DPYSL3: variants seen among roughly 807,000 people sequenced by gnomAD.
DPYSL3 encodes dihydropyrimidinase like 3.
DPYSL3 carries 16 observed loss-of-function variants against 66.1 expected under a neutral mutation model. The observed-to-expected ratio is 0.24, with a 90% confidence interval of 0.16 to 0.37. DPYSL3 has a LOEUF of 0.37. DPYSL3 is among the 10% of genes least tolerant of loss of function. The pLI is 1.00. For synonymous variants in DPYSL3, 338 were observed against 345.1 expected (o/e 0.98, Z 0.23); for missense variants, 738 against 916.2 (o/e 0.81, Z 2.51).
chr5:147,405,004 C>T (rs1758292352), intron 8 of DPYSL3, among the ~76,000 whole-genome samples: 1 of 152,108 alleles, frequency 6.6e-6, no homozygotes, highest in Non-Finnish European at 1.5e-5. Context: ...TTTTGCTTGA[C>T]CTGCTGGAAA....
chr5:147,475,116 T>G (rs908649290), intron 1 of DPYSL3, among the ~76,000 whole-genome samples: 1 of 151,954 alleles, frequency 6.6e-6, no homozygotes, highest in Admixed American at 6.5e-5. Flanking sequence ...TCCAGAGAAA[T>G]GAAAACTTAC....
chr5:147,499,051 T>C (rs1036465884), intron 1 of DPYSL3, among the ~76,000 whole-genome samples: 4 of 152,204 alleles, frequency 2.6e-5, no homozygotes, highest in African/African-American at 9.6e-5. Flanking sequence ...TTTTAGAGTT[T>C]GGGGTTTTAC....
intron 1 of DPYSL3, among the ~76,000 whole-genome samples, chr5:147,463,350 C>T (rs947439477): frequency 1.3e-5 from 2 of 152,066 alleles, no homozygotes; most frequent in African/African-American, 4.8e-5. Context: ...AGACAGTGCA[C>T]CTAGCCATCT....
chr5:147,473,566 T>A (rs552037995), intron 1 of DPYSL3, among the ~76,000 whole-genome samples: 1 of 152,310 alleles, frequency 6.6e-6, no homozygotes, highest in African/African-American at 2.4e-5. Context: ...ACAAACAATT[T>A]TCTTTTCTTC....
In DPYSL3 at chr5:147,480,444, G is replaced by A. The variant is rs114625586; in HGVS notation, c.381+29034C>T. 1.7e-3 allele frequency among the ~76,000 whole-genome samples: 262 copies of A among 152,010 alleles called. 1 individual carries two copies. Among genetic ancestry groups the A allele is most frequent in the African/African-American group, 6.1e-3 (251 of 41,432 alleles). On this transcript the variant is annotated intron_variant, in intron 1 of 13. Transcript: ENST00000343218. Reference sequence around the variant, plus strand: ...TTCAACTTCCAACATGTGTATAATCGACTCTCTGTATCAAATCCCCTCTGT... The same window carrying A: ...TTCAACTTCCAACATGTGTATAATCAACTCTCTGTATCAAATCCCCTCTGT...
At chr5:147,415,034 A>T (rs1159072018) in intron 4 of DPYSL3, among the ~76,000 whole-genome samples, 1 of 151,596 alleles carries the variant, frequency 6.6e-6, no homozygotes, top group Admixed American at 6.6e-5. Context: ...TGTGGGGGGG[A>T]GGGGTTTGCA....
chr5:147,412,668 G>A lies in DPYSL3; in HGVS notation c.903C>T (p.Cys301=). 1.2e-6 allele frequency: 2 copies of A among 1,612,320 alleles called. No individual in the cohort carries two copies. Among genetic ancestry groups the A allele is most frequent in the Non-Finnish European group, 8.5e-7 (1 of 1,179,208 alleles). Residue 301 remains cysteine (C), a synonymous_variant, in exon 6 of 14, where the codon TGC becomes TGT. Coordinates refer to ENST00000343218, the MANE Select transcript of DPYSL3 (RefSeq NM_001197294.2). The part of the protein sequence containing the change: ...SNTELYEIFT[C]LGELGAIAQV... ...GAGCAATGGCCCCCAGCTCTCCCAG[G>A]CAGGTGAAGATCTCATAGAGCTGAA...
At chr5:147,437,814 G>A (rs866201825) in intron 1 of DPYSL3, among the ~76,000 whole-genome samples, 5 of 152,162 alleles carry the variant, frequency 3.3e-5, no homozygotes, top group African/African-American at 7.2e-5. Context: ...ACTGTAAAGC[G>A]AGGAAAATAA....
At chr5:147,486,711 G>C (rs1050745952) in intron 1 of DPYSL3, among the ~76,000 whole-genome samples, 1 of 152,044 alleles carries the variant, frequency 6.6e-6, no homozygotes, top group Non-Finnish European at 1.5e-5. Flanking sequence ...ACATCTGTTG[G>C]GTCCGTAAGT....
At chr5:147,498,110 C>T (rs1753548650) in intron 1 of DPYSL3, among the ~76,000 whole-genome samples, 1 of 152,058 alleles carries the variant, frequency 6.6e-6, no homozygotes, top group South Asian at 2.1e-4. Flanking sequence ...CCAATAGGCC[C>T]CAGTGTGTGT....
intron 1 of DPYSL3, among the ~76,000 whole-genome samples, chr5:147,475,891 TC>T (rs1753148527): frequency 6.6e-6 from 1 of 152,150 alleles, no homozygotes; most frequent in Non-Finnish European, 1.5e-5. Context: ...AATTAACATA[TC>T]CTCAAAAATG....
At chr5:147,400,434 TGAA>T (rs2152016758) in intron 10 of DPYSL3, among the ~76,000 whole-genome samples, 1 of 152,348 alleles carries the variant, frequency 6.6e-6, no homozygotes, top group East Asian at 1.9e-4. Context: ...TACACTCAGA[TGAA>T]GGAGTTGCAT....
intron 1 of DPYSL3, among the ~76,000 whole-genome samples, chr5:147,454,421 G>T (rs1395560478): frequency 6.6e-6 from 1 of 152,220 alleles, no homozygotes; most frequent in East Asian, 1.9e-4. Context: ...TTAGAAAATG[G>T]AAAGCCGTGA....
At chr5:147,487,087 G>A (rs1355374758) in intron 1 of DPYSL3, among the ~76,000 whole-genome samples, 5 of 151,984 alleles carry the variant, frequency 3.3e-5, no homozygotes, top group African/African-American at 1.2e-4. Context: ...CAGGCTGTTT[G>A]CTACCTTGCC....
intron 13 of DPYSL3, 37 bp downstream of exon 13, chr5:147,395,522 C>G (rs1757941242): frequency 6.3e-7 from 1 of 1,580,436 alleles, no homozygotes; most frequent in East Asian, 2.3e-5. Flanking sequence ...TTCCCCTTCC[C>G]CCTTCTCTTA....
chr5:147,491,029 C>A (rs566122724), intron 1 of DPYSL3, among the ~76,000 whole-genome samples: 1 of 152,278 alleles, frequency 6.6e-6, no homozygotes, highest in South Asian at 2.1e-4. Context: ...TTCATAGGAA[C>A]AAGATATGCT....
chr5:147,503,618 C>T (rs552345340), intron 1 of DPYSL3, among the ~76,000 whole-genome samples: 1 of 152,258 alleles, frequency 6.6e-6, no homozygotes, highest in East Asian at 1.9e-4. Context: ...TGTGATATTT[C>T]CATATGTAAT....
chr5:147,468,846 T>A (rs939437271), intron 1 of DPYSL3, among the ~76,000 whole-genome samples: 1 of 152,212 alleles, frequency 6.6e-6, no homozygotes, highest in African/African-American at 2.4e-5. Flanking sequence ...AAATAATGAT[T>A]GTTTTATTAT....
intron 1 of DPYSL3, chr5:147,454,083 G>A (rs916760984): frequency 1.3e-5 from 2 of 152,412 alleles, no homozygotes; most frequent in South Asian, 2.1e-4. Context: ...CTGAGTCCCG[G>A]GGGTGGGAGC....
Sources: allele counts gnomAD v4.1 joint callset (sites outside exome capture counted in the v4.1 genomes callset), GRCh38; gene constraint gnomAD v4.1.1; transcripts MANE v1.5; gene names NCBI Gene and HGNC (gene_info 2026-07-23, HGNC 2026-07-21).